WDR3: variants seen among roughly 807,000 people sequenced by gnomAD.
WDR3 encodes WD repeat domain 3.
Under a neutral mutation model 123.7 loss-of-function variants are expected in WDR3, and 81 were observed. That is an observed-to-expected ratio of 0.65 (90% CI 0.55 to 0.79). The LOEUF (loss-of-function observed/expected upper bound fraction) is 0.79. Among genes scored for constraint, WDR3 ranks in the 30% least tolerant of loss-of-function variants. WDR3 has a pLI of 0.00. For missense variants in WDR3, 1,027 were observed against 1,123.2 expected (o/e 0.91, Z 1.22); for synonymous variants, 390 against 388.8 (o/e 1.00, Z -0.04).
rs1553204403 is a variant in WDR3 at position 117,940,751 on chromosome 1, AAAC to A, written c.676-56_676-54del. 8.3e-3 allele frequency: 10,846 copies of A among 1,299,192 alleles called. 51 individuals are homozygous for A. The highest frequency in any genetic ancestry group is 8.7e-3 in the Non-Finnish European group (8,101 of 935,424). The allele number at this position is 1,299,192 out of a possible 1,614,324, so 80.5% of individuals were successfully genotyped here. Reference sequence around the variant, plus strand: ...TCCGACAACAACAACAACAACAACAAAACAACAACAACAACAACAACATGCCTC... The same window carrying A: ...TCCGACAACAACAACAACAACAACAAAACAACAACAACAACAACATGCCTC... On this transcript the variant is annotated intron_variant, in intron 6 of 26. Transcript: ENST00000349139.
intron 1 of WDR3, among the ~76,000 whole-genome samples, chr1:117,930,514 T>G (rs1650673967): frequency 6.6e-6 from 1 of 151,992 alleles, no homozygotes; most frequent in African/African-American, 2.4e-5. Context: ...ATAGGATGAG[T>G]TTTTGGAAAC....
In WDR3 at chr1:117,933,385, A is replaced by G; in HGVS notation, c.66A>G (p.Gln22=). The change falls in exon 2 of 27, where the codon CAA becomes CAG. Residue 22 remains glutamine, a synonymous_variant. Transcript: ENST00000349139. ...CGGTCTTTGGCGTTATCGGCAGCCA[A>G]AAAGGTAATATTGTCTTTGTGACAC... ...ASAVFGVIGS[Q]KGNIVFVTLR... 1 of 1,614,200 alleles carries G rather than the reference A, an allele frequency of 6.2e-7. No individual in the cohort carries two copies. The highest frequency in any genetic ancestry group is 8.5e-7 in the Non-Finnish European group (1 of 1,180,044).
chr1:117,957,299 GA>G (rs2101288861), intron 25 of WDR3, 103 bp downstream of exon 25: 1 of 1,377,382 alleles, frequency 7.3e-7, no homozygotes, highest in East Asian at 2.6e-5. Context: ...ATAGTATGCC[GA>G]ACTCGGTGGC....
Position 117,940,945 on chromosome 1 carries a change from T to C in WDR3, c.789+5T>C. The C allele has an allele frequency of 6.2e-7, 1 of 1,603,364 alleles. No individual in the cohort carries two copies. The highest frequency in any genetic ancestry group is 8.5e-7 in the Non-Finnish European group (1 of 1,176,888). ...ACGGATGAAGCCCCTGAGGATGTAA[T>C]TCATTTTCATTTCTTAAGTTTAATT... On this transcript the variant is annotated splice_donor_5th_base_variant and intron_variant, in intron 7 of 26. Coordinates refer to ENST00000349139, the MANE Select transcript of WDR3 (RefSeq NM_006784.3).
Position 117,939,552 on chromosome 1 carries a change from G to A in WDR3, c.655G>A (p.Asp219Asn). The A allele has an allele frequency of 6.2e-7, 1 of 1,613,688 alleles. No homozygotes were observed. The change falls in exon 6 of 27, where the codon GAC becomes AAC. Residue 219 changes from aspartate to asparagine, a missense_variant. Transcript: ENST00000349139. ...GASDSELRVW[D>N]IAYLQEIEDP... ...CTCAGACAGTGAACTGAGGGTATGG[G>A]ACATAGCTTATCTGCAAGAGGTAAT...
chr1:117,963,803 T>C lies in WDR3; in HGVS notation c.*4356T>C. The C allele has an allele frequency of 6.2e-7, 1 of 1,611,668 alleles. No homozygotes were observed. ...CCCATTTATTACTTACTGTACCTAA[T>C]GTGGAGAAACTTTACGAGACATGAA... On this transcript the variant is annotated 3_prime_UTR_variant, in exon 27 of 27. Coordinates refer to ENST00000349139, the MANE Select transcript of WDR3 (RefSeq NM_006784.3).
Position 117,948,477 on chromosome 1 carries a change from T to C in WDR3, c.1495T>C (p.Leu499=). The change falls in exon 13 of 27, where the codon TTG becomes CTG. Residue 499 remains leucine (L), a synonymous_variant. Transcript: ENST00000349139. Reference sequence around the variant, plus strand: ...GACAATAGATGCACATGATGGAGCTTTGTGGTCCATGTCCCTCTCTCCAGA... The same window carrying C: ...GACAATAGATGCACATGATGGAGCTCTGTGGTCCATGTCCCTCTCTCCAGA... ...LETIDAHDGA[L]WSMSLSPDQR... 3 of 1,613,984 alleles carry C rather than the reference T, an allele frequency of 1.9e-6. No individual in the cohort carries two copies. The highest frequency in any genetic ancestry group is 1.7e-6 in the Non-Finnish European group (2 of 1,179,928).
At chr1:117,952,744 T>G in intron 19 of WDR3, 82 bp downstream of exon 19, 1 of 1,535,432 alleles carries the variant, frequency 6.5e-7, no homozygotes, top group South Asian at 1.3e-5. Flanking sequence ...TCTAGTGCAG[T>G]TACACCTGAT....
intron 8 of WDR3, 67 bp downstream of exon 8, chr1:117,941,292 TA>T: frequency 6.7e-7 from 1 of 1,487,786 alleles, no homozygotes; most frequent in Non-Finnish European, 9.3e-7. Context: ...CATTCTTTCA[TA>T]TTCAATGTAA....
intron 4 of WDR3, 22 bp downstream of exon 4, chr1:117,936,909 T>A (rs369428249): frequency 6.9e-6 from 11 of 1,589,158 alleles, no homozygotes; most frequent in Non-Finnish European, 9.5e-6. Flanking sequence ...ATGGTTTAAT[T>A]TCCAGTTATT....
At chr1:117,957,227 T>C in intron 25 of WDR3, 31 bp downstream of exon 25, 3 of 1,599,816 alleles carry the variant, frequency 1.9e-6, no homozygotes, top group Non-Finnish European at 2.6e-6. Context: ...ATACCATGTC[T>C]GTTCAGCAGA....
At chr1:117,958,767 C>CTT (rs3215666) in intron 25 of WDR3, 143 bp from the exon 26 acceptor site, 8,203 of 360,318 alleles carry the variant, frequency 0.023, 257 homozygotes, top group African/African-American at 0.095. Flanking sequence ...ACTTCTTTGG[C>CTT]TTTTTTTTTT....
At chr1:117,932,940 A>G (rs1039087244) in intron 1 of WDR3, among the ~76,000 whole-genome samples, 10 of 152,072 alleles carry the variant, frequency 6.6e-5, no homozygotes, top group African/African-American at 2.4e-4. Flanking sequence ...AACACCTGTA[A>G]TCCCAGCACT....
chr1:117,955,116 G>A (rs111733671), intron 23 of WDR3, 199 bp from the exon 24 acceptor site: 26 of 472,984 alleles, frequency 5.5e-5, no homozygotes, highest in African/African-American at 2.8e-4. Flanking sequence ...GGCTTGACTT[G>A]TAGCATAGTT....
At chr1:117,930,164 T>G (rs1349325456) in intron 1 of WDR3, among the ~76,000 whole-genome samples, 1 of 152,148 alleles carries the variant, frequency 6.6e-6, no homozygotes, top group Non-Finnish European at 1.5e-5. Context: ...AACATCGTTT[T>G]GGGGGCTGTA....
chr1:117,940,893 CT>C lies in WDR3; in HGVS notation c.744del (p.Glu249ArgfsTer26). The C allele has an allele frequency of 6.2e-7, 1 of 1,614,066 alleles. No individual in the cohort carries two copies. ...KGSSPGIQDTLEAEDGAFETD... is the reference protein window; with the variant it reads ...KGSSPGIQDTXEAEDGAFETD... The stretch of plus-strand genomic sequence containing the variant: ...ATCTTCTCCTGGAATACAAGATACT[CT>C]TGAGGCAGAGGATGGTGCCTTTGAG... On this transcript the variant is annotated frameshift_variant, in exon 7 of 27. Coordinates refer to ENST00000349139, the MANE Select transcript of WDR3 (RefSeq NM_006784.3). LOFTEE classifies it high-confidence loss of function.
chr1:117,935,269 A>G (rs908188745), intron 3 of WDR3, among the ~76,000 whole-genome samples: 12 of 152,196 alleles, frequency 7.9e-5, no homozygotes, highest in Admixed American at 7.2e-4. Context: ...TTATATAGAT[A>G]CAGATATATT....
In WDR3 at chr1:117,940,944, A is replaced by C. The variant is rs1250042100; in HGVS notation, c.789+4A>C. 1.2e-6 allele frequency: 2 copies of C among 1,603,074 alleles called. No homozygotes were observed. The highest frequency in any genetic ancestry group is 2.7e-5 in the African/African-American group (2 of 74,006). Reference sequence around the variant, plus strand: ...GACGGATGAAGCCCCTGAGGATGTAATTCATTTTCATTTCTTAAGTTTAAT... The same window carrying C: ...GACGGATGAAGCCCCTGAGGATGTACTTCATTTTCATTTCTTAAGTTTAAT... On this transcript the variant is annotated splice_donor_region_variant and intron_variant, in intron 7 of 26. Transcript: ENST00000349139.
chr1:117,929,802 G>A lies in WDR3; in HGVS notation c.-33+20G>A, dbSNP rs12136368. 0.021 allele frequency: 3,223 copies of A among 152,570 alleles called. 61 individuals carry two copies. The highest frequency in any genetic ancestry group is 0.041 in the South Asian group (196 of 4,834). The allele number at this position is 152,570 out of a possible 1,614,324, so 9.5% of individuals were successfully genotyped here. On this transcript the variant is annotated intron_variant, in intron 1 of 26. Coordinates refer to ENST00000349139, the MANE Select transcript of WDR3 (RefSeq NM_006784.3). ...GCTGAGGTGAGTCCTGGAGGTGCGTGGTTGGGGCGGAGAGCATTATCTGCG... is the reference window on the plus strand; with the variant it reads ...GCTGAGGTGAGTCCTGGAGGTGCGTAGTTGGGGCGGAGAGCATTATCTGCG...
Sources: gnomAD v4.1 joint callset for allele counts (sites outside exome capture counted in the v4.1 genomes callset) on GRCh38, gnomAD v4.1.1 for gene constraint, MANE v1.5 for transcripts, NCBI Gene and HGNC (gene_info 2026-07-23, HGNC 2026-07-21) for gene names.